The following ABCC8 variants were observed in gnomAD, a reference collection of about 807,000 sequenced individuals.
The protein encoded by ABCC8 is ATP binding cassette subfamily C member 8.
ABCC8 carries 137 observed loss-of-function variants against 188.0 expected under a neutral mutation model. The observed-to-expected ratio is 0.73, with a 90% CI of 0.63 to 0.84. The LOEUF is 0.84. ABCC8 is among the 40% of genes least tolerant of loss of function. The pLI, the probability that ABCC8 is intolerant of heterozygous loss-of-function variation, is 0.00. For synonymous variants in ABCC8, 797 were observed against 846.5 expected (o/e 0.94, Z 1.01); for missense variants, 1,750 against 2,072.7 (o/e 0.84, Z 3.02).
chr11:17,461,944 A>C (rs1021594367), intron 4 of ABCC8, 119 bp from the exon 5 acceptor site: 2 of 1,497,810 alleles, frequency 1.3e-6, no homozygotes, highest in Admixed American at 4.4e-5. Flanking sequence ...AGATGGGGCC[A>C]TCTTTCGCCT....
intron 29 of ABCC8, among the ~76,000 whole-genome samples, chr11:17,399,578 C>T (rs1328416696): frequency 6.6e-6 from 1 of 152,184 alleles, no homozygotes; most frequent in Non-Finnish European, 1.5e-5. Context: ...AGAGGCTCTT[C>T]CTGGCTACTA....
intron 20 of ABCC8, chr11:17,413,098 G>A: frequency 1.7e-6 from 1 of 600,760 alleles, no homozygotes; most frequent in Non-Finnish European, 2.9e-6. Context: ...GGATGAACAG[G>A]AACAATACAA....
intron 6 of ABCC8, among the ~76,000 whole-genome samples, chr11:17,459,307 G>A (rs1957102047): frequency 6.6e-6 from 1 of 152,180 alleles, no homozygotes; most frequent in Admixed American, 6.5e-5. Context: ...TGGTCAGTAA[G>A]TGGCTGTTAA....
chr11:17,403,633 A>G (rs947776358), intron 28 of ABCC8, among the ~76,000 whole-genome samples: 40 of 152,214 alleles, frequency 2.6e-4, no homozygotes, highest in Non-Finnish European at 2.1e-4. Flanking sequence ...CTAGCCAACT[A>G]TGTGCACTTG....
Position 17,470,166 on chromosome 11 carries a change from G to T in ABCC8, c.347C>A (p.Ala116Asp). The T allele has an allele frequency of 6.2e-7, 1 of 1,614,186 alleles. No individual in the cohort carries two copies. The highest frequency in any genetic ancestry group is 8.5e-7 in the Non-Finnish European group (1 of 1,180,046). ...ATAGTAGACCACGGAGGTGACAGCA[G>T]CCATGAACGCCATCCCGGCTGGCAT... ...LYMPAGMAFM[A>D]AVTSVVYYHN... Residue 116 changes from alanine (A) to aspartate (D), a missense_variant, in exon 3 of 39, where the codon GCT becomes GAT. By Grantham distance (126) the Ala-to-Asp change is moderately radical. Transcript: ENST00000389817.
chr11:17,414,649 A>T (rs1241185042), intron 18 of ABCC8, 39 bp from the exon 19 acceptor site: 1 of 1,612,704 alleles, frequency 6.2e-7, no homozygotes, highest in East Asian at 2.2e-5. Context: ...TGCGGAAGGC[A>T]TTCTCAGGGG....
At chr11:17,435,797 A>T in intron 10 of ABCC8, 1 of 1,301,002 alleles carries the variant, frequency 7.7e-7, no homozygotes, top group Admixed American at 1.7e-5. Flanking sequence ...ACCCCATTCC[A>T]GATATGATAC....
At chr11:17,393,472 A>G (rs1953735523) in intron 38 of ABCC8, among the ~76,000 whole-genome samples, 1 of 152,202 alleles carries the variant, frequency 6.6e-6, no homozygotes, top group African/African-American at 2.4e-5. Flanking sequence ...CTGGAGAAGG[A>G]GAGGGGAGGT....
rs753486119 is a variant in ABCC8, at chr11:17,393,702, T to A, written c.4603A>T (p.Ile1535Phe). 1 of 1,614,188 alleles carries A rather than the reference T, an allele frequency of 6.2e-7. No homozygotes were observed. The highest frequency in any genetic ancestry group is 8.5e-7 in the Non-Finnish European group (1 of 1,180,008). ...TAFADRTVVT[I>F]AHRVHTILSA... Reference sequence around the variant, plus strand: ...CCCATCAATGGGCCCCTTACCGCGATGGTGACCACAGTGCGGTCTGCGAAG... The same window carrying A: ...CCCATCAATGGGCCCCTTACCGCGAAGGTGACCACAGTGCGGTCTGCGAAG... Residue 1535 changes from isoleucine to phenylalanine, a missense_variant, in exon 38 of 39, where the codon ATC (isoleucine) becomes TTC (phenylalanine). By Grantham distance (21) the Ile-to-Phe change is conservative (BLOSUM62 0). Coordinates refer to ENST00000389817, the MANE Select transcript of ABCC8 (RefSeq NM_000352.6).
intron 17 of ABCC8, 146 bp from the exon 18 acceptor site, chr11:17,415,485 G>A: frequency 1.3e-6 from 2 of 1,515,800 alleles, no homozygotes; most frequent in Non-Finnish European, 1.8e-6. Context: ...TGCATAGAGA[G>A]GTGTGGAGAG....
intron 4 of ABCC8, among the ~76,000 whole-genome samples, chr11:17,463,006 G>T (rs1180881042): frequency 6.6e-6 from 1 of 152,150 alleles, no homozygotes; most frequent in Non-Finnish European, 1.5e-5. Flanking sequence ...GGGAAGGTTG[G>T]AGTCTGGGGT....
chr11:17,423,249 T>C (rs1475020844), intron 16 of ABCC8, among the ~76,000 whole-genome samples: 3 of 144,986 alleles, frequency 2.1e-5, no homozygotes, highest in South Asian at 2.2e-4. Context: ...CCCAGCTACT[T>C]GGGAGGCTGA....
At position 17,430,862 on chromosome 11, in the gene ABCC8, A is replaced by T; in HGVS notation, c.1769T>A (p.Leu590Gln). The T allele has an allele frequency of 6.2e-7, 1 of 1,614,248 alleles. No individual in the cohort carries two copies. The highest frequency in any genetic ancestry group is 8.5e-7 in the Non-Finnish European group (1 of 1,180,038). ...LSLFHILVTP[L>Q]FLLSSVVRST... Reference sequence around the variant, plus strand: ...TCGGACCACACTGGACAGCAGGAACAGCGGTGTGACCAAGATATGGAAGAG... The same window carrying T: ...TCGGACCACACTGGACAGCAGGAACTGCGGTGTGACCAAGATATGGAAGAG... The change falls in exon 12 of 39, where the codon CTG becomes CAG. Residue 590 changes from leucine (L) to glutamine (Q), a missense_variant. Physicochemically the swap from Leu to Gln is moderately radical, Grantham distance 113. Coordinates refer to ENST00000389817, the MANE Select transcript of ABCC8 (RefSeq NM_000352.6).
intron 16 of ABCC8, among the ~76,000 whole-genome samples, chr11:17,417,810 C>G (rs972352981): frequency 6.6e-6 from 1 of 152,134 alleles, no homozygotes; most frequent in African/African-American, 2.4e-5. Context: ...AGTACAATGG[C>G]GTGATCTTGG....
chr11:17,416,828 C>T, intron 17 of ABCC8, 102 bp downstream of exon 17: 1 of 1,515,504 alleles, frequency 6.6e-7, no homozygotes, highest in Non-Finnish European at 9.1e-7. Flanking sequence ...GGCTGCACAT[C>T]CCTGAATCCA....
At chr11:17,436,952 G>A (rs190733449) in intron 10 of ABCC8, among the ~76,000 whole-genome samples, 184 of 152,064 alleles carry the variant, frequency 1.2e-3, no homozygotes, top group Admixed American at 2.2e-3. Flanking sequence ...TTAGCCAGGC[G>A]TGGTGGCGCA....
chr11:17,435,659 G>T, intron 10 of ABCC8: 4 of 1,409,126 alleles, frequency 2.8e-6, no homozygotes, highest in Non-Finnish European at 4.0e-6. Flanking sequence ...ATGATGCTGG[G>T]AACCTCTGTT....
chr11:17,423,197 A>T (rs1266687167), intron 16 of ABCC8, among the ~76,000 whole-genome samples: 1 of 151,766 alleles, frequency 6.6e-6, no homozygotes, highest in Non-Finnish European at 1.5e-5. Flanking sequence ...TCTCTACTAA[A>T]AATACAAAAA....
intron 6 of ABCC8, among the ~76,000 whole-genome samples, chr11:17,456,431 G>C (rs1021764024): frequency 6.6e-6 from 1 of 152,154 alleles, no homozygotes; most frequent in Non-Finnish European, 1.5e-5. Flanking sequence ...CATTGTCTCT[G>C]CCAGGCCAGA....
Sources: gnomAD v4.1 joint callset for allele counts (sites outside exome capture counted in the v4.1 genomes callset) on GRCh38, gnomAD v4.1.1 for gene constraint, MANE v1.5 for transcripts, NCBI Gene and HGNC (gene_info 2026-07-23, HGNC 2026-07-21) for gene names.